The following PBX1 variants were observed in gnomAD, a reference collection of about 807,000 sequenced individuals.
The protein encoded by PBX1 is PBX homeobox 1.
A neutral mutation model predicts 53.4 loss-of-function variants in PBX1; 6 were observed. The ratio of observed to expected loss-of-function variants is 0.11; its 90% CI spans 0.06 to 0.22. The LOEUF (loss-of-function observed/expected upper bound fraction) is 0.22, where lower values mean the gene tolerates loss of function less well. PBX1 is among the 10% of genes least tolerant of loss of function. The probability of loss-of-function intolerance (pLI) is 1.00; values close to 1 mark genes in which losing one functional copy is unlikely to be tolerated. For missense variants in PBX1, 251 were observed against 551.4 expected (o/e 0.46, Z 5.46); for synonymous variants, 204 against 212.3 (o/e 0.96, Z 0.34).
At chr1:164,756,157 T>C (rs1317224145) in intron 2 of PBX1, among the ~76,000 whole-genome samples, 2 of 152,208 alleles carry the variant, frequency 1.3e-5, no homozygotes, top group African/African-American at 2.4e-5. Flanking sequence ...TTATTTGCAC[T>C]GTAGCTTTTG....
At chr1:164,811,839 C>A (rs887614586) in intron 5 of PBX1, 151 bp from the exon 6 acceptor site, 2 of 455,508 alleles carry the variant, frequency 4.4e-6, no homozygotes, top group Admixed American at 4.2e-5. Flanking sequence ...GAAGCTCTTA[C>A]TTCAGATCTT....
intron 2 of PBX1, among the ~76,000 whole-genome samples, chr1:164,614,540 A>G (rs977501650): frequency 2.0e-5 from 3 of 152,054 alleles, no homozygotes; most frequent in African/African-American, 7.2e-5. Context: ...GGCACTTGCA[A>G]CGTCCCTACC....
chr1:164,731,065 A>ATG (rs143587236), intron 2 of PBX1, among the ~76,000 whole-genome samples: 24 of 151,154 alleles, frequency 1.6e-4, no homozygotes, highest in South Asian at 4.2e-4. Context: ...TTCCGTGTTT[A>ATG]TGTGTGTGTG....
chr1:164,793,333 AG>A (rs1240373473), intron 3 of PBX1, among the ~76,000 whole-genome samples: 1 of 152,154 alleles, frequency 6.6e-6, no homozygotes, highest in African/African-American at 2.4e-5. Context: ...CTCTGTAAAA[AG>A]GGTAGGAGGT....
intron 2 of PBX1, among the ~76,000 whole-genome samples, chr1:164,704,920 T>C (rs1315202736): frequency 1.3e-5 from 2 of 152,262 alleles, no homozygotes; most frequent in African/African-American, 2.4e-5. Context: ...ACTATAACTT[T>C]GATAATCAAA....
At chr1:164,777,482 C>G (rs1558001947) in intron 2 of PBX1, among the ~76,000 whole-genome samples, 1 of 152,176 alleles carries the variant, frequency 6.6e-6, no homozygotes, top group Non-Finnish European at 1.5e-5. Flanking sequence ...AGCAAGGCTG[C>G]ATTCCAGAGA....
chr1:164,589,528 T>C (rs1465184743), intron 2 of PBX1, among the ~76,000 whole-genome samples: 1 of 152,106 alleles, frequency 6.6e-6, no homozygotes, highest in Non-Finnish European at 1.5e-5. Context: ...CAGAGAACCA[T>C]AGAGCAAATT....
chr1:164,863,304 G>A (rs895968209), intron 2 of PBX1, among the ~76,000 whole-genome samples: 2 of 152,352 alleles, frequency 1.3e-5, no homozygotes, highest in African/African-American at 2.4e-5. Context: ...TTCACAGGAC[G>A]TGCTGAGGTG....
intron 2 of PBX1, among the ~76,000 whole-genome samples, chr1:164,724,354 C>T (rs573808395): frequency 1.5e-4 from 23 of 152,280 alleles, no homozygotes; most frequent in South Asian, 8.3e-4. Flanking sequence ...ATACAAATGA[C>T]TTCTCTAGCC....
At chr1:164,634,831 A>C (rs188347608) in intron 2 of PBX1, among the ~76,000 whole-genome samples, 3 of 152,094 alleles carry the variant, frequency 2.0e-5, no homozygotes, top group Non-Finnish European at 2.9e-5. Flanking sequence ...AAAGACCCCA[A>C]ATTTTGAGGG....
intron 2 of PBX1, among the ~76,000 whole-genome samples, chr1:164,624,543 T>C (rs1346897376): frequency 6.6e-6 from 1 of 152,202 alleles, no homozygotes; most frequent in Non-Finnish European, 1.5e-5. Flanking sequence ...TGAGGGAGCC[T>C]TGAAGTTGTT....
At chr1:164,601,717 G>A (rs953311698) in intron 2 of PBX1, among the ~76,000 whole-genome samples, 6 of 152,144 alleles carry the variant, frequency 3.9e-5, no homozygotes, top group Admixed American at 1.3e-4. Flanking sequence ...AGCTTTCACT[G>A]TATTTTCCTG....
chr1:164,841,285 A>G (rs148783910), intron 8 of PBX1, among the ~76,000 whole-genome samples: 24 of 152,308 alleles, frequency 1.6e-4, no homozygotes, highest in African/African-American at 5.8e-4. Flanking sequence ...ACGGCATTCA[A>G]GGGGAAAGAA....
intron 2 of PBX1, among the ~76,000 whole-genome samples, chr1:164,569,683 G>GC (rs1200199662): frequency 7.1e-6 from 1 of 139,900 alleles, no homozygotes; most frequent in Non-Finnish European, 1.5e-5. Flanking sequence ...CGATTCTCCT[G>GC]CCTCAGCCTC....
At chr1:164,841,202 G>A (rs543037927) in intron 8 of PBX1, among the ~76,000 whole-genome samples, 1 of 152,296 alleles carries the variant, frequency 6.6e-6, no homozygotes, top group Admixed American at 6.5e-5. Flanking sequence ...ACAGATGGAT[G>A]TGCAAAGATA....
At chr1:164,667,925 A>G (rs760108242) in intron 2 of PBX1, among the ~76,000 whole-genome samples, 2 of 152,146 alleles carry the variant, frequency 1.3e-5, no homozygotes, top group South Asian at 4.1e-4. Context: ...GCAGTGAGCT[A>G]CGGGAGGTCA....
intron 1 of PBX1, among the ~76,000 whole-genome samples, chr1:164,561,718 C>G (rs537501119): frequency 6.6e-6 from 1 of 152,022 alleles, no homozygotes; most frequent in South Asian, 2.1e-4. Context: ...TTGGCGACTT[C>G]CCCCTTTCAA....
chr1:164,768,460 A>G (rs1488408383), intron 2 of PBX1, among the ~76,000 whole-genome samples: 1 of 152,190 alleles, frequency 6.6e-6, no homozygotes, highest in Non-Finnish European at 1.5e-5. Flanking sequence ...TACTATTAAC[A>G]TTCTCTGGGT....
intron 2 of PBX1, among the ~76,000 whole-genome samples, chr1:164,862,411 G>A (rs542099034): frequency 6.6e-5 from 10 of 152,158 alleles, no homozygotes; most frequent in Admixed American, 3.3e-4. Flanking sequence ...ATCCTATTGC[G>A]TTGCAATTAC....
Sources: gnomAD v4.1 joint callset for allele counts (sites outside exome capture counted in the v4.1 genomes callset) on GRCh38, gnomAD v4.1.1 for gene constraint, MANE v1.5 for transcripts, NCBI Gene and HGNC (gene_info 2026-07-23, HGNC 2026-07-21) for gene names.